The following GDA variants were observed in gnomAD, a reference collection of about 807,000 sequenced individuals.
The protein encoded by GDA is cytoplasmic PSD-95 interactor.
GDA carries 18 observed loss-of-function variants against 59.6 expected under a neutral mutation model. The observed-to-expected ratio is 0.30, with a 90% CI of 0.21 to 0.45. GDA has a LOEUF of 0.45. GDA is among the 20% of genes least tolerant of loss of function. GDA has a pLI of 1.00. For missense variants in GDA, 427 were observed against 552.3 expected (o/e 0.77, Z 2.27); for synonymous variants, 201 against 201.1 (o/e 1.00, Z 0.00).
intron 1 of GDA, among the ~76,000 whole-genome samples, chr9:72,134,445 A>G (rs1194052274): frequency 1.3e-5 from 2 of 151,456 alleles, no homozygotes; most frequent in African/African-American, 4.9e-5. Flanking sequence ...CTTGTCACCC[A>G]GGCTGGAGTG....
chr9:72,201,989 C>T (rs147116951), intron 2 of GDA, among the ~76,000 whole-genome samples: 58 of 152,264 alleles, frequency 3.8e-4, no homozygotes, highest in African/African-American at 1.2e-3. Context: ...CTCCTGAGAT[C>T]GCCTGTCCCT....
chr9:72,122,456 C>G (rs1477230916), intron 1 of GDA, among the ~76,000 whole-genome samples: 1 of 151,886 alleles, frequency 6.6e-6, no homozygotes, highest in African/African-American at 2.4e-5. Flanking sequence ...GAATGTCTTG[C>G]ACATAGAAAG....
Position 72,212,785 on chromosome 9 carries a change from G to T in GDA, c.473-1101G>T, listed in dbSNP as rs192276886. Among the ~76,000 whole-genome samples, 640 of 152,220 alleles carry T rather than the reference G, an allele frequency of 4.2e-3. 11 individuals are homozygous for T. In the Middle Eastern group the frequency reaches 0.051, roughly 12 times the overall value. ...GATCCAAGGGATGGTGGTAGAGTAG[G>T]AGACAGGAGGGAGATTGTAAGTTGG... On this transcript the variant is annotated intron_variant, in intron 4 of 13. Coordinates refer to ENST00000358399, the MANE Select transcript of GDA (RefSeq NM_004293.5).
chr9:72,159,017 C>T (rs1015692304), intron 1 of GDA, among the ~76,000 whole-genome samples: 1 of 152,122 alleles, frequency 6.6e-6, no homozygotes, highest in African/African-American at 2.4e-5. Flanking sequence ...GTCCAAGGTC[C>T]GTGCTCTCCA....
intron 9 of GDA, among the ~76,000 whole-genome samples, chr9:72,230,401 C>T (rs924597846): frequency 2.0e-5 from 3 of 151,274 alleles, no homozygotes; most frequent in Non-Finnish European, 2.9e-5. Context: ...GTAGGAGAAT[C>T]GCTTGAACCT....
chr9:72,228,238 C>A, intron 9 of GDA, 198 bp downstream of exon 9: 1 of 531,270 alleles, frequency 1.9e-6, no homozygotes, highest in Non-Finnish European at 3.4e-6. Flanking sequence ...TCAGAGGACA[C>A]GTGAAGAGCA....
At chr9:72,230,252 G>A (rs963098751) in intron 9 of GDA, among the ~76,000 whole-genome samples, 1 of 152,094 alleles carries the variant, frequency 6.6e-6, no homozygotes, top group Non-Finnish European at 1.5e-5. Context: ...CAGCACTTTG[G>A]GAGGCCAAAG....
chr9:72,132,796 C>G (rs1216578310), intron 1 of GDA, among the ~76,000 whole-genome samples: 1 of 152,132 alleles, frequency 6.6e-6, no homozygotes, highest in Non-Finnish European at 1.5e-5. Context: ...TATCCCTGTA[C>G]CCGACTAAGT....
intron 3 of GDA, among the ~76,000 whole-genome samples, chr9:72,205,445 T>G (rs1834574363): frequency 6.6e-6 from 1 of 152,142 alleles, no homozygotes; most frequent in Admixed American, 6.5e-5. Context: ...AAAGAAAAAC[T>G]TCACACAAAT....
chr9:72,216,198 T>C (rs1460992843), intron 5 of GDA, among the ~76,000 whole-genome samples: 1 of 152,200 alleles, frequency 6.6e-6, no homozygotes, highest in Non-Finnish European at 1.5e-5. Flanking sequence ...CCTGTGGTTT[T>C]ATACCCAGAT....
intron 1 of GDA, among the ~76,000 whole-genome samples, chr9:72,187,259 G>T (rs1424084320): frequency 6.6e-6 from 1 of 152,200 alleles, no homozygotes; most frequent in African/African-American, 2.4e-5. Context: ...ATACTATTAA[G>T]AGGTGGGGCC....
chr9:72,191,596 G>A (rs1832557773), intron 1 of GDA, among the ~76,000 whole-genome samples: 1 of 151,332 alleles, frequency 6.6e-6, no homozygotes, highest in Non-Finnish European at 1.5e-5. Context: ...CTCAGCCTCT[G>A]GAGTAGCTTG....
rs80108130 is a variant in GDA at position 72,140,259 on chromosome 9, G to A, written c.-100+25426G>A. 1.6e-3 allele frequency among the ~76,000 whole-genome samples: 242 copies of A among 152,238 alleles called. 4 individuals are homozygous for A. Among genetic ancestry groups the A allele is most frequent in the African/African-American group, 5.5e-3 (228 of 41,538 alleles). The stretch of plus-strand genomic sequence containing the variant: ...TGAAACTTTTGGGAAAGGTCGCTTC[G>A]CTTTTTCTTCACCTGAATTTGAGAG... On this transcript the variant is annotated intron_variant, in intron 1 of 13. Transcript: ENST00000545168.
At chr9:72,176,165 G>A (rs942864358) in intron 1 of GDA, among the ~76,000 whole-genome samples, 1 of 152,142 alleles carries the variant, frequency 6.6e-6, no homozygotes, top group Non-Finnish European at 1.5e-5. Flanking sequence ...TGAGGTTAAA[G>A]GTCATTCACA....
At chr9:72,134,955 G>T (rs775702193) in intron 1 of GDA, among the ~76,000 whole-genome samples, 4 of 152,132 alleles carry the variant, frequency 2.6e-5, no homozygotes, top group Non-Finnish European at 4.4e-5. Flanking sequence ...GGACATATTG[G>T]TCAATGATAT....
At chr9:72,219,344 A>C (rs2131542767) in intron 5 of GDA, 135 bp from the exon 6 acceptor site, 4 of 592,698 alleles carry the variant, frequency 6.7e-6, no homozygotes, top group South Asian at 5.9e-5. Flanking sequence ...CGGAGCTTGC[A>C]GTGAGCCGAG....
chr9:72,123,285 G>A (rs1207145620), intron 1 of GDA, among the ~76,000 whole-genome samples: 77 of 148,258 alleles, frequency 5.2e-4, no homozygotes, highest in African/African-American at 1.9e-3. Context: ...CCAGGTTCAC[G>A]CCATTCTCCT....
At position 72,250,434 on chromosome 9, in the gene GDA, T is replaced by C. The variant is rs1840570782; in HGVS notation, c.*2092T>C. On this transcript the variant is annotated 3_prime_UTR_variant, in exon 14 of 14. Transcript: ENST00000358399. Reference sequence around the variant, plus strand: ...ACAACCATCCTGTTAAACATTTAAATTTAGCTCTGATAGTGTGTTAAGACC... The same window carrying C: ...ACAACCATCCTGTTAAACATTTAAACTTAGCTCTGATAGTGTGTTAAGACC... The C allele has an allele frequency of 8.2e-7, 1 of 1,225,156 alleles. No individual in the cohort carries two copies. The allele number at this position is 1,225,156 out of a possible 1,614,324, so 75.9% of individuals were successfully genotyped here. A position where few individuals can be genotyped will look rare whatever the true frequency, so the allele number is the denominator to read the frequency against.
At chr9:72,192,277 A>G (rs1291171737) in intron 1 of GDA, among the ~76,000 whole-genome samples, 1 of 109,152 alleles carries the variant, frequency 9.2e-6, no homozygotes, top group Non-Finnish European at 1.7e-5. Flanking sequence ...TCTGTTGCCC[A>G]GGCTGGAGTG....
Sources: gnomAD v4.1 joint callset for allele counts (sites outside exome capture counted in the v4.1 genomes callset) on GRCh38, gnomAD v4.1.1 for gene constraint, MANE v1.5 for transcripts, NCBI Gene and HGNC (gene_info 2026-07-23, HGNC 2026-07-21) for gene names.